PRR16: variants seen among roughly 807,000 people sequenced by gnomAD.
PRR16 encodes the protein proline rich 16.
Under a neutral mutation model 18.2 loss-of-function variants are expected in PRR16, and 6 were observed. That is an observed-to-expected ratio of 0.33 (90% CI 0.18 to 0.65). The LOEUF is 0.65. PRR16 is among the 30% of genes least tolerant of loss of function. PRR16 has a pLI of 0.74. For synonymous variants in PRR16, 151 were observed against 147.8 expected (o/e 1.02, Z -0.16); for missense variants, 412 against 376.6 (o/e 1.09, Z -0.78).
At chr5:120,767,911 TATCAATTATATCACAA>T in the PRR16 span, among the ~76,000 whole-genome samples, 1 of 151,814 alleles carries the variant, frequency 6.6e-6, no homozygotes, top group East Asian at 1.9e-4. Flanking sequence ...TTTTATGATA[TATCAATTATATCACAA>T]TAAAAGTGTT....
At chr5:120,589,936 A>T (rs1284135408) in intron 1 of PRR16, among the ~76,000 whole-genome samples, 2 of 152,070 alleles carry the variant, frequency 1.3e-5, no homozygotes, top group Non-Finnish European at 2.9e-5. Flanking sequence ...CAAGAAGATT[A>T]CTTAGAACTG....
intron 1 of PRR16, among the ~76,000 whole-genome samples, chr5:120,568,470 C>G (rs1752804231): frequency 6.6e-6 from 1 of 151,994 alleles, no homozygotes; most frequent in Admixed American, 6.6e-5. Flanking sequence ...ATAAAGTTGT[C>G]TGGGAAAAAA....
chr5:120,481,701 A>G (rs1749623018), intron 1 of PRR16, among the ~76,000 whole-genome samples: 1 of 152,200 alleles, frequency 6.6e-6, no homozygotes, highest in Non-Finnish European at 1.5e-5. Flanking sequence ...AAGTTTTCTA[A>G]CAAAAATGGT....
At chr5:120,513,610 G>T (rs4895259) in intron 1 of PRR16, among the ~76,000 whole-genome samples, 26,575 of 151,216 alleles carry the variant, frequency 0.18, 2,485 homozygotes, top group African/African-American at 0.22. Context: ...CCCCCTACTG[G>T]CCCTCCTCAT....
chr5:120,694,492 G>A, the PRR16 span, among the ~76,000 whole-genome samples: 1 of 152,000 alleles, frequency 6.6e-6, no homozygotes, highest in African/African-American at 2.4e-5. Context: ...AGACCATCCT[G>A]GCTAACACGG....
intron 1 of PRR16, among the ~76,000 whole-genome samples, chr5:120,574,730 T>C (rs1486580287): frequency 1.3e-5 from 2 of 149,352 alleles, no homozygotes; most frequent in East Asian, 1.9e-4. Flanking sequence ...TAAACTAAAA[T>C]TATTAAAAAA....
At chr5:120,793,112 A>G in the PRR16 span, among the ~76,000 whole-genome samples, 1 of 152,194 alleles carries the variant, frequency 6.6e-6, no homozygotes, top group African/African-American at 2.4e-5. Flanking sequence ...AGATTGTGCC[A>G]CTGCACTCCA....
chr5:120,487,300 G>A (rs1038713958), intron 1 of PRR16, among the ~76,000 whole-genome samples: 6 of 152,110 alleles, frequency 3.9e-5, no homozygotes, highest in Non-Finnish European at 8.8e-5. Context: ...TCTTCCATTT[G>A]TTTGCATCCT....
intron 1 of PRR16, among the ~76,000 whole-genome samples, chr5:120,644,929 C>T (rs1755539349): frequency 6.6e-6 from 1 of 152,080 alleles, no homozygotes; most frequent in Non-Finnish European, 1.5e-5. Flanking sequence ...ATAGAAAGAT[C>T]CATCTCTGCA....
In PRR16 at chr5:120,505,662, A is replaced by G. The variant is rs922688269; in HGVS notation, c.159+41017A>G. ...AATTGGGATTTTACACTTTTATTTT[A>G]TAACAGATTGCTGCAGAGTCAAGTT... On this transcript the variant is annotated intron_variant, in intron 1 of 1. Coordinates refer to ENST00000407149, the MANE Select transcript of PRR16 (RefSeq NM_001300783.2). Among the ~76,000 whole-genome samples, 7 of 152,146 alleles carry G rather than the reference A, an allele frequency of 4.6e-5. No individual in the cohort carries two copies. The South Asian group carries it at 6.2e-4, about 13-fold the overall frequency.
At chr5:120,663,306 G>T (rs1357567181) in intron 1 of PRR16, among the ~76,000 whole-genome samples, 2 of 151,900 alleles carry the variant, frequency 1.3e-5, no homozygotes, top group Non-Finnish European at 2.9e-5. Flanking sequence ...TGCTGTTTGT[G>T]ATTTTATTGG....
intron 1 of PRR16, among the ~76,000 whole-genome samples, chr5:120,647,237 A>G (rs28697043): frequency 0.058 from 8,816 of 152,056 alleles, 310 homozygotes; most frequent in South Asian, 0.083. Context: ...TTGCCTAACA[A>G]TTATTCAGTT....
At chr5:120,476,939 T>C (rs1482275000) in intron 1 of PRR16, among the ~76,000 whole-genome samples, 2 of 152,168 alleles carry the variant, frequency 1.3e-5, no homozygotes, top group African/African-American at 4.8e-5. Context: ...TCTATCACGG[T>C]TGTCAGTGAC....
At chr5:120,705,394 T>C in the PRR16 span, among the ~76,000 whole-genome samples, 1 of 152,102 alleles carries the variant, frequency 6.6e-6, no homozygotes, top group African/African-American at 2.4e-5. Flanking sequence ...AGTAAACATA[T>C]ATATCAGTAT....
chr5:120,627,040 A>G (rs1243529046), intron 1 of PRR16, among the ~76,000 whole-genome samples: 2 of 152,118 alleles, frequency 1.3e-5, no homozygotes, highest in Non-Finnish European at 2.9e-5. Context: ...CACTACCTGT[A>G]CCCTGGGTGA....
At chr5:120,779,638 A>G in the PRR16 span, among the ~76,000 whole-genome samples, 1 of 152,158 alleles carries the variant, frequency 6.6e-6, no homozygotes, top group Admixed American at 6.5e-5. Flanking sequence ...ATACTGTAGT[A>G]CTTTTTATGC....
the PRR16 span, among the ~76,000 whole-genome samples, chr5:120,769,746 T>C: frequency 2.6e-5 from 4 of 151,918 alleles, no homozygotes; most frequent in African/African-American, 4.8e-5. Context: ...TGCTGGATTA[T>C]ATGGTAGTCC....
At chr5:120,544,382 C>A (rs1320721787) in intron 1 of PRR16, among the ~76,000 whole-genome samples, 3 of 152,086 alleles carry the variant, frequency 2.0e-5, no homozygotes, top group Non-Finnish European at 2.9e-5. Context: ...ATGCCGGAAC[C>A]CATCCTTTGT....
At chr5:120,547,921 T>A (rs1254988312) in intron 1 of PRR16, among the ~76,000 whole-genome samples, 1 of 151,984 alleles carries the variant, frequency 6.6e-6, no homozygotes, top group Non-Finnish European at 1.5e-5. Context: ...TTCATAGAAG[T>A]TTACTTTAGC....
Sources: allele counts gnomAD v4.1 joint callset (sites outside exome capture counted in the v4.1 genomes callset), GRCh38; gene constraint gnomAD v4.1.1; transcripts MANE v1.5; gene names NCBI Gene and HGNC (gene_info 2026-07-23, HGNC 2026-07-21).